TIAM1: variants seen among roughly 807,000 people sequenced by gnomAD.
TIAM1 encodes the protein TIAM Rac1 associated GEF 1.
In TIAM1, 65 loss-of-function variants were observed where a neutral mutation model predicts 163.5. That is an observed-to-expected ratio of 0.40 (90% CI 0.33 to 0.49). The LOEUF (loss-of-function observed/expected upper bound fraction) is 0.49, where lower values mean the gene tolerates loss of function less well. TIAM1 is among the 20% of genes least tolerant of loss of function. The pLI, the probability that TIAM1 is intolerant of heterozygous loss-of-function variation, is 0.77. For synonymous variants in TIAM1, 833 were observed against 810.1 expected (o/e 1.03, Z -0.48); for missense variants, 1,789 against 2,044.7 (o/e 0.87, Z 2.41).
chr21:31,314,879 C>T (rs2075052198), intron 2 of TIAM1, among the ~76,000 whole-genome samples: 1 of 152,094 alleles, frequency 6.6e-6, no homozygotes, highest in African/African-American at 2.4e-5. Flanking sequence ...GGTATCTGAA[C>T]CTTCTGGAAT....
intron 2 of TIAM1, among the ~76,000 whole-genome samples, chr21:31,406,279 T>C (rs2077246316): frequency 1.3e-5 from 2 of 152,182 alleles, no homozygotes; most frequent in African/African-American, 4.8e-5. Context: ...TTGAGAACTT[T>C]AATACTAGGC....
At chr21:31,217,793 C>A in intron 8 of TIAM1, 94 bp from the exon 9 acceptor site, 1 of 1,483,014 alleles carries the variant, frequency 6.7e-7, no homozygotes. Flanking sequence ...CTTCAAAAAA[C>A]CCTCCTCCAT....
intron 2 of TIAM1, among the ~76,000 whole-genome samples, chr21:31,404,639 A>G (rs894633194): frequency 6.6e-6 from 1 of 151,064 alleles, no homozygotes; most frequent in African/African-American, 2.4e-5. Context: ...AGTAGCTGGG[A>G]TTACAGACTT....
intron 16 of TIAM1, among the ~76,000 whole-genome samples, chr21:31,160,241 T>C (rs1291374557): frequency 6.6e-6 from 1 of 152,158 alleles, no homozygotes; most frequent in East Asian, 1.9e-4. Flanking sequence ...TTCAACTCCA[T>C]ACCAACTCTG....
intron 2 of TIAM1, among the ~76,000 whole-genome samples, chr21:31,333,912 C>G (rs556510048): frequency 2.6e-5 from 4 of 152,186 alleles, no homozygotes; most frequent in Non-Finnish European, 5.9e-5. Flanking sequence ...ACCCTCCCCC[C>G]CAAAAAATTA....
Position 31,124,584 on chromosome 21 carries a change from A to T in TIAM1, c.4244T>A (p.Val1415Asp). The T allele has an allele frequency of 6.2e-7, 1 of 1,613,872 alleles. No individual in the cohort carries two copies. The highest frequency in any genetic ancestry group is 8.5e-7 in the Non-Finnish European group (1 of 1,179,920). The change falls in exon 27 of 28, where the codon GTC becomes GAC. Residue 1415 changes from valine to aspartate, a missense_variant. By Grantham distance (152) the Val-to-Asp change is radical (BLOSUM62 -3). Coordinates refer to ENST00000541036, the MANE Select transcript of TIAM1 (RefSeq NM_001353694.2). ...ACACAATCTTTTGCCTCCAAAAGGG[A>T]CATATTGCTGGGATGAGGGAAGGCT... The part of the protein sequence containing the change: ...TESLPSSQQY[V>D]PFGGKRLCAL...
chr21:31,546,276 G>T (rs1443909476), intron 1 of TIAM1, among the ~76,000 whole-genome samples: 1 of 151,882 alleles, frequency 6.6e-6, no homozygotes, highest in African/African-American at 2.4e-5. Context: ...CAGAGGCCAG[G>T]CTCAGTGGCT....
intron 2 of TIAM1, among the ~76,000 whole-genome samples, chr21:31,376,377 C>T (rs1216530083): frequency 2.6e-5 from 4 of 152,264 alleles, no homozygotes; most frequent in Non-Finnish European, 2.9e-5. Flanking sequence ...TCGCACTCCA[C>T]GGTATGCAGG....
intron 8 of TIAM1, among the ~76,000 whole-genome samples, chr21:31,221,085 A>C (rs2087529480): frequency 6.6e-6 from 1 of 152,184 alleles, no homozygotes; most frequent in Non-Finnish European, 1.5e-5. Flanking sequence ...AAATTGAAGA[A>C]TGTTTCAACC....
intron 2 of TIAM1, among the ~76,000 whole-genome samples, chr21:31,385,744 C>T (rs2076855991): frequency 6.7e-6 from 1 of 148,836 alleles, no homozygotes; most frequent in Non-Finnish European, 1.5e-5. Flanking sequence ...GTACCCTACA[C>T]CAGCTGTTTA....
intron 2 of TIAM1, among the ~76,000 whole-genome samples, chr21:31,279,040 T>A (rs556014913): frequency 1.1e-4 from 17 of 152,234 alleles, no homozygotes; most frequent in African/African-American, 4.1e-4. Flanking sequence ...GATAATGCAT[T>A]TTCTATACTT....
chr21:31,362,448 T>TAAA (rs1555955946), intron 2 of TIAM1, among the ~76,000 whole-genome samples: 1 of 97,270 alleles, frequency 1.0e-5, no homozygotes, highest in Non-Finnish European at 2.2e-5. Flanking sequence ...CAGTGACAAT[T>TAAA]ATTATTATTA....
chr21:31,186,411 C>G (rs539085128), intron 14 of TIAM1, among the ~76,000 whole-genome samples: 4 of 152,182 alleles, frequency 2.6e-5, no homozygotes, highest in East Asian at 1.9e-4. Context: ...AAGAACCCCC[C>G]CAGGATCCCC....
intron 2 of TIAM1, among the ~76,000 whole-genome samples, chr21:31,316,361 G>A (rs2075123472): frequency 6.6e-6 from 1 of 152,098 alleles, no homozygotes; most frequent in Admixed American, 6.5e-5. Context: ...TTCAAGGAAA[G>A]GTTTATACCG....
At chr21:31,433,783 C>G (rs111367817) in intron 2 of TIAM1, among the ~76,000 whole-genome samples, 1 of 152,148 alleles carries the variant, frequency 6.6e-6, no homozygotes, top group Non-Finnish European at 1.5e-5. Flanking sequence ...CATAACTGAA[C>G]CTTAATATTT....
At chr21:31,127,430 CTTTTT>C (rs1359960513) in intron 25 of TIAM1, among the ~76,000 whole-genome samples, 2 of 94,234 alleles carry the variant, frequency 2.1e-5, no homozygotes, top group African/African-American at 8.2e-5. Flanking sequence ...TTTTTTTTTT[CTTTTT>C]TGAGATGGAG....
chr21:31,320,171 CACAT>C (rs2075265587), intron 2 of TIAM1, among the ~76,000 whole-genome samples: 1 of 152,044 alleles, frequency 6.6e-6, no homozygotes, highest in African/African-American at 2.4e-5. Context: ...GAAATTCTGA[CACAT>C]ACTACAACAT....
chr21:31,157,741 A>G (rs570690682), intron 16 of TIAM1, among the ~76,000 whole-genome samples: 3 of 152,294 alleles, frequency 2.0e-5, no homozygotes, highest in Non-Finnish European at 4.4e-5. Flanking sequence ...TGGATTTAAC[A>G]TGCAAATTCC....
intron 1 of TIAM1, among the ~76,000 whole-genome samples, chr21:31,499,003 G>A (rs1177388307): frequency 6.6e-6 from 1 of 150,912 alleles, no homozygotes; most frequent in Non-Finnish European, 1.5e-5. Context: ...GGAGGGGAGG[G>A]GAGGGGAGGG....
Sources: allele counts gnomAD v4.1 joint callset (sites outside exome capture counted in the v4.1 genomes callset), GRCh38; gene constraint gnomAD v4.1.1; transcripts MANE v1.5; gene names NCBI Gene and HGNC (gene_info 2026-07-23, HGNC 2026-07-21).